The following TTC6 variants were observed in gnomAD, a reference collection of about 807,000 sequenced individuals.
TTC6 encodes the protein tetratricopeptide repeat domain 6.
TTC6 carries 172 observed loss-of-function variants against 210.4 expected under a neutral mutation model. The observed-to-expected ratio is 0.82, with a 90% CI of 0.72 to 0.93. The LOEUF is 0.93. Ranked by LOEUF, TTC6 falls within the 40% of genes least tolerant of loss-of-function variation. The pLI, the probability that TTC6 is intolerant of heterozygous loss-of-function variation, is 0.00. For synonymous variants in TTC6, 804 were observed against 819.6 expected (o/e 0.98, Z 0.32); for missense variants, 2,414 against 2,318.1 (o/e 1.04, Z -0.85).
chr14:37,796,749 C>G, intron 19 of TTC6, 38 bp from the exon 22 acceptor site: 1 of 1,566,290 alleles, frequency 6.4e-7, no homozygotes, highest in African/African-American at 1.4e-5. Flanking sequence ...ATCATTGATA[C>G]TTGGCAAAGA....
At chr14:37,599,038 A>G (rs1342434086) in intron 1 of TTC6, among the ~76,000 whole-genome samples, 3 of 151,646 alleles carry the variant, frequency 2.0e-5, no homozygotes, top group Non-Finnish European at 4.4e-5. Flanking sequence ...GCCGACCCCA[A>G]CTGGGACACG....
chr14:37,783,755 C>T (rs1181728858), intron 14 of TTC6, among the ~76,000 whole-genome samples: 3 of 147,858 alleles, frequency 2.0e-5, no homozygotes, highest in Non-Finnish European at 3.0e-5. Flanking sequence ...CCTGCTTTCT[C>T]TTATGGGCAT....
intron 1 of TTC6, among the ~76,000 whole-genome samples, chr14:37,678,491 C>G (rs572485917): frequency 3.3e-5 from 5 of 152,294 alleles, no homozygotes; most frequent in Admixed American, 2.6e-4. Flanking sequence ...TTCTGGAGCT[C>G]TTTCTCTATG....
At chr14:37,785,512 AT>A (rs1222090622) in intron 14 of TTC6, among the ~76,000 whole-genome samples, 1 of 152,138 alleles carries the variant, frequency 6.6e-6, no homozygotes, top group East Asian at 1.9e-4. Context: ...CTAGTTAGCC[AT>A]TCGTGTAATC....
chr14:37,727,442 C>T (rs1352242237), intron 7 of TTC6, among the ~76,000 whole-genome samples: 2 of 151,646 alleles, frequency 1.3e-5, no homozygotes, highest in Admixed American at 6.6e-5. Flanking sequence ...TACAGGCGCA[C>T]ACCACCATGC....
intron 1 of TTC6, among the ~76,000 whole-genome samples, chr14:37,644,108 C>T (rs1335441331): frequency 1.3e-5 from 2 of 152,114 alleles, no homozygotes; most frequent in Non-Finnish European, 2.9e-5. Context: ...ATCGGTTTAA[C>T]TAAGTATCGA....
chr14:37,774,111 G>A (rs1164431899), intron 14 of TTC6, among the ~76,000 whole-genome samples: 1 of 152,074 alleles, frequency 6.6e-6, no homozygotes, highest in African/African-American at 2.4e-5. Flanking sequence ...CATTGATTTT[G>A]TATCCTGAAA....
intron 3 of TTC6, among the ~76,000 whole-genome samples, chr14:37,690,040 A>G (rs1284731897): frequency 6.6e-6 from 1 of 152,184 alleles, no homozygotes; most frequent in African/African-American, 2.4e-5. Context: ...ATATAAATAG[A>G]AACAAGAAGA....
chr14:37,622,807 A>T (rs911489430), exon 1 of TTC6: 30 of 1,534,114 alleles, frequency 2.0e-5, no homozygotes, highest in Non-Finnish European at 2.4e-5. Context: ...TTAGGAGCCC[A>T]GGGAGAACAG....
chr14:37,804,371 T>G (rs935325375), intron 20 of TTC6, among the ~76,000 whole-genome samples: 5 of 152,192 alleles, frequency 3.3e-5, no homozygotes, highest in African/African-American at 1.2e-4. Context: ...AAGCCTGACT[T>G]AAGCTTGTGT....
chr14:37,790,166 G>A (rs2096076289), intron 15 of TTC6, among the ~76,000 whole-genome samples: 2 of 152,072 alleles, frequency 1.3e-5, no homozygotes, highest in Admixed American at 1.3e-4. Flanking sequence ...TAGTCAAGCC[G>A]TCCGCCTTAC....
At chr14:37,608,676 G>T (rs1404202727) in intron 2 of TTC6, among the ~76,000 whole-genome samples, 1 of 152,164 alleles carries the variant, frequency 6.6e-6, no homozygotes, top group Non-Finnish European at 1.5e-5. Context: ...ATGAAGTAAA[G>T]ACATGATTTT....
intron 1 of TTC6, among the ~76,000 whole-genome samples, chr14:37,602,998 A>G (rs1394691500): frequency 6.6e-6 from 1 of 152,126 alleles, no homozygotes; most frequent in Non-Finnish European, 1.5e-5. Flanking sequence ...AGTTTCAATA[A>G]ATAAAGCCCA....
intron 2 of TTC6, among the ~76,000 whole-genome samples, chr14:37,614,528 C>G (rs2095639500): frequency 6.6e-6 from 1 of 152,130 alleles, no homozygotes; most frequent in African/African-American, 2.4e-5. Context: ...TGACATTTCT[C>G]ATCTTCATTC....
chr14:37,795,072 T>C (rs2096089392), intron 17 of TTC6, among the ~76,000 whole-genome samples, 198 bp from the exon 20 acceptor site: 1 of 152,162 alleles, frequency 6.6e-6, no homozygotes, highest in Admixed American at 6.5e-5. Context: ...AGATAGATGA[T>C]TTTTAAAAAC....
At chr14:37,800,162 A>G (rs901635938) in intron 20 of TTC6, among the ~76,000 whole-genome samples, 2 of 152,008 alleles carry the variant, frequency 1.3e-5, no homozygotes, top group African/African-American at 4.8e-5. Flanking sequence ...CCTCAAACAG[A>G]CTCTTAGTAG....
intron 3 of TTC6, among the ~76,000 whole-genome samples, chr14:37,688,975 C>G (rs1424970808): frequency 6.6e-6 from 1 of 152,036 alleles, no homozygotes; most frequent in African/African-American, 2.4e-5. Context: ...AATAAGGCAC[C>G]AAGGGCCAAC....
intron 2 of TTC6, among the ~76,000 whole-genome samples, chr14:37,680,762 G>A (rs982470210): frequency 6.6e-6 from 1 of 152,114 alleles, no homozygotes; most frequent in East Asian, 1.9e-4. Context: ...CTTGTGAATG[G>A]AAAGTATCTC....
At chr14:37,747,969 A>T (rs1372788510) in intron 10 of TTC6, among the ~76,000 whole-genome samples, 1 of 152,148 alleles carries the variant, frequency 6.6e-6, no homozygotes, top group Non-Finnish European at 1.5e-5. Context: ...GGTCTTATGG[A>T]CCATGGTGAA....
Sources: allele counts gnomAD v4.1 joint callset (sites outside exome capture counted in the v4.1 genomes callset), GRCh38; gene constraint gnomAD v4.1.1; transcripts MANE v1.5; gene names NCBI Gene and HGNC (gene_info 2026-07-23, HGNC 2026-07-21).